RPRD2: variants seen among roughly 807,000 people sequenced by gnomAD.
The protein encoded by RPRD2 is regulation of nuclear pre-mRNA domain-containing protein 2.
RPRD2 carries 12 observed loss-of-function variants against 104.4 expected under a neutral mutation model. The observed-to-expected ratio is 0.11, with a 90% CI of 0.07 to 0.19. The LOEUF (loss-of-function observed/expected upper bound fraction) is 0.19, where lower values mean the gene tolerates loss of function less well. RPRD2 is among the 10% of genes least tolerant of loss of function. RPRD2 has a pLI of 1.00. For missense variants in RPRD2, 1,543 were observed against 1,790.1 expected, an observed-to-expected ratio of 0.86 and a Z score of 2.49; for synonymous variants, 714 against 684.9, an observed-to-expected ratio of 1.04 and a Z score of -0.66.
intron 1 of RPRD2, among the ~76,000 whole-genome samples, chr1:150,384,663 G>GTT (rs1661424485): frequency 6.9e-6 from 1 of 145,088 alleles, no homozygotes; most frequent in Non-Finnish European, 1.5e-5. Context: ...GTGTGTGTGT[G>GTT]TGTGTGTGTG....
Position 150,473,679 on chromosome 1 carries a change from A to G in RPRD2, c.*345A>G, listed in dbSNP as rs587615885. 1.2e-4 allele frequency: 21 copies of G among 176,080 alleles called. No homozygotes were observed. Among genetic ancestry groups the G allele is most frequent in the Admixed American group, 2.9e-4 (5 of 17,042 alleles). The allele number at this position is 176,080 out of a possible 1,614,324, so 10.9% of individuals were successfully genotyped here. On this transcript the variant is annotated 3_prime_UTR_variant, in exon 11 of 11. Transcript: ENST00000369068. ...ACCCCATCTATTGAAGAGTATTATT[A>G]CATTTGAAATAAAACTTCCATCAGT...
chr1:150,365,512 T>C (rs1413271971), intron 1 of RPRD2, among the ~76,000 whole-genome samples: 1 of 152,208 alleles, frequency 6.6e-6, no homozygotes, highest in Non-Finnish European at 1.5e-5. Context: ...AAATACAGGT[T>C]TCTTGGATAC....
At position 150,457,339 on chromosome 1, in the gene RPRD2, C is replaced by G. The variant is rs1667603446; in HGVS notation, c.922C>G (p.Gln308Glu). The change falls in exon 8 of 11, where the codon CAA becomes GAA. Residue 308 changes from glutamine (Q) to glutamate (E), a missense_variant. Gln to Glu is a conservative substitution (Grantham distance 29). Coordinates refer to ENST00000369068, the MANE Select transcript of RPRD2 (RefSeq NM_015203.5). ...RVNNLKKKLD[Q>E]LKSTLPDPEE... Reference sequence around the variant, plus strand: ...AAACAATTTAAAGAAGAAGTTGGATCAATTGAAGTCAACCCTTCCAGATCC... The same window carrying G: ...AAACAATTTAAAGAAGAAGTTGGATGAATTGAAGTCAACCCTTCCAGATCC... 6.2e-7 allele frequency: 1 copy of G among 1,605,378 alleles called. No homozygotes were observed. The highest frequency in any genetic ancestry group is 8.5e-7 in the Non-Finnish European group (1 of 1,172,186).
At chr1:150,391,992 G>A (rs1292201370) in intron 1 of RPRD2, among the ~76,000 whole-genome samples, 1 of 152,042 alleles carries the variant, frequency 6.6e-6, no homozygotes, top group Non-Finnish European at 1.5e-5. Context: ...ATGGTGGTGT[G>A]CTGTTAAGAA....
chr1:150,387,710 G>GC (rs1207810124), intron 1 of RPRD2, among the ~76,000 whole-genome samples: 3 of 144,754 alleles, frequency 2.1e-5, no homozygotes, highest in African/African-American at 7.6e-5. Flanking sequence ...TCCTGCATCA[G>GC]CCTCCCCAGT....
intron 1 of RPRD2, among the ~76,000 whole-genome samples, chr1:150,411,954 G>C (rs1309317138): frequency 6.6e-6 from 1 of 151,580 alleles, no homozygotes; most frequent in African/African-American, 2.4e-5. Context: ...GGTAAACCCT[G>C]TCTACTAAAA....
intron 2 of RPRD2, among the ~76,000 whole-genome samples, chr1:150,440,586 C>T (rs587758329): frequency 4.7e-4 from 72 of 152,266 alleles, no homozygotes; most frequent in African/African-American, 1.7e-3. Flanking sequence ...CTTGTCTTCT[C>T]ATTCAGTACT....
chr1:150,456,493 G>T (rs1289513618), intron 7 of RPRD2, among the ~76,000 whole-genome samples: 2 of 152,046 alleles, frequency 1.3e-5, no homozygotes, highest in African/African-American at 2.4e-5. Flanking sequence ...GGTCGCCAGG[G>T]ATGATGGTGT....
intron 1 of RPRD2, among the ~76,000 whole-genome samples, chr1:150,387,959 C>A (rs1661724274): frequency 6.9e-6 from 1 of 144,920 alleles, no homozygotes; most frequent in Admixed American, 7.0e-5. Context: ...CTCTGTCACC[C>A]AGGCTGGAGT....
At position 150,475,337 on chromosome 1, in the gene RPRD2, A is replaced by G. The variant is rs1231112409; in HGVS notation, c.*2003A>G. 1 of 152,138 alleles carries G rather than the reference A, an allele frequency of 6.6e-6. No homozygotes were observed. The highest frequency in any genetic ancestry group is 1.5e-5 in the Non-Finnish European group (1 of 68,014). The allele number at this position is 152,138 out of a possible 1,614,324, so 9.4% of individuals were successfully genotyped here. ...AATTAAATGGGATGTTTTTCATTCT[A>G]GAATAAAAGAATGTGAATTCTCTTT... On this transcript the variant is annotated 3_prime_UTR_variant, in exon 11 of 11. Coordinates refer to ENST00000369068, the MANE Select transcript of RPRD2 (RefSeq NM_015203.5).
intron 1 of RPRD2, among the ~76,000 whole-genome samples, chr1:150,385,899 A>G (rs1485162812): frequency 6.6e-6 from 1 of 152,284 alleles, no homozygotes; most frequent in East Asian, 1.9e-4. Context: ...TTGGGTGCAT[A>G]TTCTCAATCT....
At chr1:150,400,905 G>A (rs112535523) in intron 1 of RPRD2, among the ~76,000 whole-genome samples, 3,900 of 151,920 alleles carry the variant, frequency 0.026, 164 homozygotes, top group African/African-American at 0.088. Context: ...AGGGCTGGGC[G>A]CGGTGGCTCA....
chr1:150,385,656 GGTACCCTTAGT>G (rs1661509622), intron 1 of RPRD2, among the ~76,000 whole-genome samples: 1 of 152,168 alleles, frequency 6.6e-6, no homozygotes, highest in African/African-American at 2.4e-5. Flanking sequence ...TTTTGCTAGA[GGTACCCTTAGT>G]GTTGTCATAT....
intron 1 of RPRD2, among the ~76,000 whole-genome samples, chr1:150,400,668 C>A (rs1662913159): frequency 1.3e-5 from 2 of 152,236 alleles, no homozygotes; most frequent in African/African-American, 4.8e-5. Flanking sequence ...GGTTGGGAAA[C>A]CCTGTGTAGA....
At chr1:150,382,997 A>T (rs1661248225) in intron 1 of RPRD2, among the ~76,000 whole-genome samples, 2 of 150,852 alleles carry the variant, frequency 1.3e-5, no homozygotes, top group South Asian at 4.2e-4. Context: ...GGGATTTTTT[A>T]TTTTTATTTT....
At chr1:150,421,962 T>A (rs1249796201) in intron 2 of RPRD2, among the ~76,000 whole-genome samples, 6 of 151,966 alleles carry the variant, frequency 3.9e-5, no homozygotes, top group African/African-American at 1.5e-4. Flanking sequence ...CCAGCCTGGG[T>A]GACAGAGCAA....
At chr1:150,435,173 C>T (rs917952342) in intron 2 of RPRD2, among the ~76,000 whole-genome samples, 8 of 152,048 alleles carry the variant, frequency 5.3e-5, no homozygotes, top group Non-Finnish European at 1.0e-4. Context: ...CATGTAAGAC[C>T]GTGAACTTAA....
At chr1:150,399,872 A>G (rs1249066046) in intron 1 of RPRD2, among the ~76,000 whole-genome samples, 1 of 152,094 alleles carries the variant, frequency 6.6e-6, no homozygotes, top group Admixed American at 6.6e-5. Flanking sequence ...TATGTTGTCT[A>G]TTGTGGGTCT....
chr1:150,447,687 G>A (rs891107181), intron 7 of RPRD2, among the ~76,000 whole-genome samples: 1 of 152,122 alleles, frequency 6.6e-6, no homozygotes, highest in South Asian at 2.1e-4. Context: ...AAATGGGCAT[G>A]TGTCTAATGA....
Sources: allele counts gnomAD v4.1 joint callset (sites outside exome capture counted in the v4.1 genomes callset), GRCh38; gene constraint gnomAD v4.1.1; transcripts MANE v1.5; gene names NCBI Gene and HGNC (gene_info 2026-07-23, HGNC 2026-07-21).